The following HCN1 variants were observed in gnomAD, a reference collection of about 807,000 sequenced individuals.
HCN1 encodes the protein potassium/sodium hyperpolarization-activated cyclic nucleotide-gated channel 1.
In HCN1, 13 loss-of-function variants were observed where a neutral mutation model predicts 78.9. The observed-to-expected ratio is 0.16, with a 90% CI of 0.11 to 0.26. HCN1 has a LOEUF of 0.26. Ranked by LOEUF, HCN1 falls within the 10% of genes least tolerant of loss-of-function variation. HCN1 has a pLI of 1.00. For synonymous variants in HCN1, 552 were observed against 455.5 expected (o/e 1.21, Z -2.70); for missense variants, 810 against 1,154.3 (o/e 0.70, Z 4.32).
intron 2 of HCN1, among the ~76,000 whole-genome samples, chr5:45,570,972 A>C (rs1743814975): frequency 6.6e-6 from 1 of 152,164 alleles, no homozygotes; most frequent in Non-Finnish European, 1.5e-5. Flanking sequence ...GATTATGGAC[A>C]ATATTGCTCA....
chr5:45,665,657 T>C (rs1022316532), intron 1 of HCN1, among the ~76,000 whole-genome samples: 1 of 151,956 alleles, frequency 6.6e-6, no homozygotes, highest in Non-Finnish European at 1.5e-5. Flanking sequence ...GCATCAAAAA[T>C]AGCAATTCTT....
At chr5:45,543,310 A>T (rs892770451) in intron 2 of HCN1, among the ~76,000 whole-genome samples, 2 of 151,780 alleles carry the variant, frequency 1.3e-5, no homozygotes, top group African/African-American at 2.4e-5. Flanking sequence ...AGAAGGAGAT[A>T]AAAAAAATAA....
intron 2 of HCN1, among the ~76,000 whole-genome samples, chr5:45,492,518 T>C (rs1482720279): frequency 1.7e-5 from 2 of 114,598 alleles, no homozygotes; most frequent in Non-Finnish European, 3.4e-5. Flanking sequence ...ACAGTTTTTT[T>C]GTTTTTTTTT....
At chr5:45,694,049 A>G (rs1425305982) in intron 1 of HCN1, among the ~76,000 whole-genome samples, 1 of 152,214 alleles carries the variant, frequency 6.6e-6, no homozygotes, top group Non-Finnish European at 1.5e-5. Context: ...CCCACCTTTA[A>G]AATTCTAAAG....
chr5:45,354,569 GA>G (rs1293407520), intron 4 of HCN1, among the ~76,000 whole-genome samples: 8 of 151,976 alleles, frequency 5.3e-5, no homozygotes, highest in African/African-American at 1.9e-4. Flanking sequence ...CCTAGCTAAT[GA>G]GAAACAGCAA....
At chr5:45,593,191 C>A (rs1744409850) in intron 2 of HCN1, among the ~76,000 whole-genome samples, 1 of 145,640 alleles carries the variant, frequency 6.9e-6, no homozygotes, top group Non-Finnish European at 1.5e-5. Context: ...CTTACAGTTG[C>A]ACGCGCGCAT....
At chr5:45,674,413 T>G (rs949722062) in intron 1 of HCN1, among the ~76,000 whole-genome samples, 47 of 151,680 alleles carry the variant, frequency 3.1e-4, no homozygotes, top group African/African-American at 1.1e-3. Flanking sequence ...GTGATTGATC[T>G]TATACAGATC....
At chr5:45,294,758 G>C (rs1219300442) in intron 6 of HCN1, among the ~76,000 whole-genome samples, 1 of 151,994 alleles carries the variant, frequency 6.6e-6, no homozygotes, top group Non-Finnish European at 1.5e-5. Flanking sequence ...TTACAAAACA[G>C]TTTAGTGAAT....
chr5:45,569,358 C>T (rs1485632940), intron 2 of HCN1, among the ~76,000 whole-genome samples: 1 of 152,074 alleles, frequency 6.6e-6, no homozygotes, highest in Non-Finnish European at 1.5e-5. Context: ...TTTTCCTCCT[C>T]TAAATGTAAT....
intron 2 of HCN1, among the ~76,000 whole-genome samples, chr5:45,551,987 C>A (rs1483803889): frequency 6.6e-6 from 1 of 151,868 alleles, no homozygotes; most frequent in Non-Finnish European, 1.5e-5. Context: ...AAAATATATA[C>A]ACAGTGACCA....
intron 1 of HCN1, among the ~76,000 whole-genome samples, chr5:45,672,636 C>T (rs938055153): frequency 2.2e-4 from 33 of 148,754 alleles, no homozygotes; most frequent in African/African-American, 6.1e-4. Flanking sequence ...TTGAAACAGA[C>T]GGTTGCCATA....
chr5:45,562,409 T>C (rs1000899975), intron 2 of HCN1, among the ~76,000 whole-genome samples: 4 of 152,194 alleles, frequency 2.6e-5, no homozygotes, highest in Admixed American at 1.3e-4. Context: ...CAGTGGCTCA[T>C]TCCTGTAATC....
chr5:45,578,992 T>C (rs2111916400), intron 2 of HCN1, among the ~76,000 whole-genome samples: 1 of 152,196 alleles, frequency 6.6e-6, no homozygotes, highest in Admixed American at 6.6e-5. Context: ...GTCATCGTTA[T>C]CTCATGACAT....
intron 2 of HCN1, among the ~76,000 whole-genome samples, chr5:45,476,842 T>C (rs911173999): frequency 3.3e-5 from 5 of 152,176 alleles, no homozygotes; most frequent in African/African-American, 1.2e-4. Flanking sequence ...GCAAACTTTG[T>C]TTCATGCACA....
intron 2 of HCN1, among the ~76,000 whole-genome samples, chr5:45,465,381 GCTCT>G (rs1561165166): frequency 6.6e-6 from 1 of 152,084 alleles, no homozygotes; most frequent in Non-Finnish European, 1.5e-5. Flanking sequence ...AGAAAGAAAG[GCTCT>G]CTTCCCCGAC....
intron 6 of HCN1, among the ~76,000 whole-genome samples, chr5:45,297,688 CATAAAG>C (rs1235967487): frequency 2.6e-5 from 4 of 152,118 alleles, no homozygotes; most frequent in South Asian, 2.1e-4. Flanking sequence ...TAATATATCT[CATAAAG>C]ATAGAGACAA....
At chr5:45,306,015 GT>G (rs1284219780) in intron 5 of HCN1, among the ~76,000 whole-genome samples, 6 of 151,828 alleles carry the variant, frequency 4.0e-5, no homozygotes, top group Non-Finnish European at 8.8e-5. Context: ...TAAAAAATTT[GT>G]TTTTACTATT....
intron 5 of HCN1, among the ~76,000 whole-genome samples, chr5:45,339,406 G>A (rs1746529431): frequency 6.6e-6 from 1 of 152,112 alleles, no homozygotes; most frequent in Non-Finnish European, 1.5e-5. Context: ...TGAAGATACG[G>A]TAGCATGAAG....
intron 2 of HCN1, among the ~76,000 whole-genome samples, chr5:45,488,235 A>G (rs1741809106): frequency 6.6e-6 from 1 of 152,116 alleles, no homozygotes; most frequent in South Asian, 2.1e-4. Flanking sequence ...AATTTTTTAC[A>G]TAAAATTAAA....
Sources: gnomAD v4.1 joint callset for allele counts (sites outside exome capture counted in the v4.1 genomes callset) on GRCh38, gnomAD v4.1.1 for gene constraint, MANE v1.5 for transcripts, NCBI Gene and HGNC (gene_info 2026-07-23, HGNC 2026-07-21) for gene names.